The following SORBS2 variants were observed in gnomAD, a reference collection of about 807,000 sequenced individuals.
SORBS2 encodes the protein sorbin and SH3 domain containing 2.
A neutral mutation model predicts 97.7 loss-of-function variants in SORBS2; 46 were observed. The observed-to-expected ratio is 0.47, with a 90% CI of 0.37 to 0.60. The LOEUF is 0.60. SORBS2 is among the 20% of genes least tolerant of loss of function. The pLI is 0.00. For missense variants in SORBS2, 1,316 were observed against 1,282.3 expected (o/e 1.03, Z -0.40); for synonymous variants, 476 against 473.4 (o/e 1.01, Z -0.07).
Position 185,888,447 on chromosome 4 carries a change from T to C in SORBS2, c.-338+67749A>G, listed in dbSNP as rs150156261. Among the ~76,000 whole-genome samples, 1,170 of 152,238 alleles carry C rather than the reference T, an allele frequency of 7.7e-3. 12 individuals carry two copies. Among genetic ancestry groups the C allele is most frequent in the Non-Finnish European group, 0.013 (914 of 68,000 alleles). On this transcript the variant is annotated intron_variant, in intron 1 of 20. Transcript: ENST00000284776. ...CACCAAAATTTGGAAGAAGCAAAGATTAAATTTCCCCTAGGGCCTCCAGAG... is the reference window on the plus strand; with the variant it reads ...CACCAAAATTTGGAAGAAGCAAAGACTAAATTTCCCCTAGGGCCTCCAGAG...
chr4:185,864,890 C>T (rs1382791567), intron 1 of SORBS2, among the ~76,000 whole-genome samples: 2 of 146,516 alleles, frequency 1.4e-5, no homozygotes, highest in Non-Finnish European at 3.0e-5. Flanking sequence ...CCAGCCTGGG[C>T]GATAGAGTGA....
At chr4:185,862,225 C>T (rs1029033613) in intron 1 of SORBS2, among the ~76,000 whole-genome samples, 4 of 152,152 alleles carry the variant, frequency 2.6e-5, no homozygotes, top group Non-Finnish European at 5.9e-5. Context: ...GGTGTTGGGC[C>T]GTGACTACAG....
At chr4:185,661,104 C>T (rs887445689), upstream of SORBS2, among the ~76,000 whole-genome samples, 1 of 118,252 alleles carries the variant, frequency 8.5e-6, no homozygotes, top group African/African-American at 2.9e-5. Context: ...GTGAAACCCC[C>T]TGTCTGTACT....
At chr4:185,687,527 G>C (rs753039412) in intron 2 of SORBS2, among the ~76,000 whole-genome samples, 3 of 152,162 alleles carry the variant, frequency 2.0e-5, no homozygotes, top group Non-Finnish European at 4.4e-5. Context: ...TTAGAACAAA[G>C]TATTTATAAA....
Position 185,742,143 on chromosome 4 carries a change from C to G in SORBS2, c.-198+33084G>C, listed in dbSNP as rs539848897. 8.6e-4 allele frequency among the ~76,000 whole-genome samples: 131 copies of G among 152,314 alleles called. 1 individual carries two copies. The highest frequency in any genetic ancestry group is 3.0e-3 in the African/African-American group (126 of 41,558). ...TAATCTCTAGCTCTCAGGGGCCAGC[C>G]CTGGCTACACAGTTTGGGGGTAGTG... is the stretch of plus-strand genomic sequence containing the variant. On this transcript the variant is annotated intron_variant, in intron 2 of 20. Coordinates refer to the SORBS2 transcript ENST00000284776.
chr4:185,878,482 C>T (rs1474647658), intron 1 of SORBS2, among the ~76,000 whole-genome samples: 2 of 152,114 alleles, frequency 1.3e-5, no homozygotes, highest in Non-Finnish European at 2.9e-5. Flanking sequence ...AGTCAGAAGC[C>T]CAGGAGCCGT....
chr4:185,642,206 A>T (rs540889877), intron 4 of SORBS2, among the ~76,000 whole-genome samples: 2 of 152,310 alleles, frequency 1.3e-5, no homozygotes, highest in South Asian at 2.1e-4. Context: ...ATTGACTGAC[A>T]ATCTTTATTG....
chr4:185,852,026 G>C (rs961454663), intron 1 of SORBS2, among the ~76,000 whole-genome samples: 3 of 152,108 alleles, frequency 2.0e-5, no homozygotes, highest in Non-Finnish European at 2.9e-5. Flanking sequence ...GCATAACATA[G>C]AGCTTAGCTT....
chr4:185,719,344 G>A (rs1382751335), intron 2 of SORBS2, among the ~76,000 whole-genome samples: 1 of 152,178 alleles, frequency 6.6e-6, no homozygotes, highest in Non-Finnish European at 1.5e-5. Context: ...ACTGTACACT[G>A]CAATTAATTA....
intron 2 of SORBS2, among the ~76,000 whole-genome samples, chr4:185,730,607 C>T (rs2098610693): frequency 1.3e-5 from 2 of 152,202 alleles, no homozygotes; most frequent in African/African-American, 2.4e-5. Flanking sequence ...CTTTGTAGTT[C>T]CTCCAAGAAA....
At chr4:185,819,502 C>T (rs1011997625) in intron 1 of SORBS2, among the ~76,000 whole-genome samples, 2 of 152,216 alleles carry the variant, frequency 1.3e-5, no homozygotes, top group Non-Finnish European at 2.9e-5. Flanking sequence ...GTCTTTTCAG[C>T]CGGACGCCTT....
At chr4:185,611,073 T>C (rs1311267184) in intron 12 of SORBS2, among the ~76,000 whole-genome samples, 1 of 152,126 alleles carries the variant, frequency 6.6e-6, no homozygotes, top group African/African-American at 2.4e-5. Context: ...ATAATCATCT[T>C]TAGCCCGCTC....
chr4:185,676,328 T>C (rs1203377249), intron 4 of SORBS2, among the ~76,000 whole-genome samples: 4 of 152,218 alleles, frequency 2.6e-5, no homozygotes, highest in Non-Finnish European at 5.9e-5. Flanking sequence ...ACTACATTGT[T>C]CTATGGAGAA....
chr4:185,812,909 T>C (rs979607219), intron 1 of SORBS2: 7 of 152,214 alleles, frequency 4.6e-5, no homozygotes, highest in African/African-American at 1.7e-4. Context: ...TTTTAAAAAA[T>C]CCGCACCTAA....
At chr4:185,752,169 G>A (rs1191664149) in intron 2 of SORBS2, among the ~76,000 whole-genome samples, 7 of 152,102 alleles carry the variant, frequency 4.6e-5, no homozygotes, top group Admixed American at 4.6e-4. Flanking sequence ...TTGTACAGTT[G>A]ACAAATGTTA....
intron 2 of SORBS2, among the ~76,000 whole-genome samples, chr4:185,712,558 CAG>C (rs2098431382): frequency 6.6e-6 from 1 of 152,250 alleles, no homozygotes; most frequent in Non-Finnish European, 1.5e-5. Flanking sequence ...TGCGAAAAGG[CAG>C]AGGGCCCACT....
At chr4:185,901,795 G>A (rs1243257558) in intron 1 of SORBS2, among the ~76,000 whole-genome samples, 2 of 152,114 alleles carry the variant, frequency 1.3e-5, no homozygotes, top group Non-Finnish European at 2.9e-5. Flanking sequence ...GAATTTACTG[G>A]ACAAGTCTTA....
At chr4:185,759,152 C>T (rs2098848205) in intron 2 of SORBS2, among the ~76,000 whole-genome samples, 2 of 152,190 alleles carry the variant, frequency 1.3e-5, no homozygotes, top group African/African-American at 4.8e-5. Context: ...ATGAGGATGT[C>T]AGGATTGCTA....
chr4:185,734,880 C>A (rs927871296), intron 2 of SORBS2, among the ~76,000 whole-genome samples: 1 of 152,198 alleles, frequency 6.6e-6, no homozygotes, highest in Non-Finnish European at 1.5e-5. Context: ...TACACCAGCT[C>A]TTGAGGATCC....
Sources: gnomAD v4.1 joint callset for allele counts (sites outside exome capture counted in the v4.1 genomes callset) on GRCh38, gnomAD v4.1.1 for gene constraint, MANE v1.5 for transcripts, NCBI Gene and HGNC (gene_info 2026-07-23, HGNC 2026-07-21) for gene names.